The following NCOA1 variants were observed in gnomAD, a reference collection of about 807,000 sequenced individuals.
NCOA1 encodes nuclear receptor coactivator 1, also known as Hin-2 protein.
NCOA1 carries 35 observed loss-of-function variants against 150.9 expected under a neutral mutation model. The observed-to-expected ratio is 0.23, with a 90% CI of 0.18 to 0.31. The LOEUF (loss-of-function observed/expected upper bound fraction) is 0.31. NCOA1 is among the 10% of genes least tolerant of loss of function. The probability of loss-of-function intolerance (pLI) is 1.00; values close to 1 mark genes in which losing one functional copy is unlikely to be tolerated. For missense variants in NCOA1, 1,491 were observed against 1,749.3 expected, an observed-to-expected ratio of 0.85 and a Z score of 2.63; for synonymous variants, 590 against 630.0, an observed-to-expected ratio of 0.94 and a Z score of 0.95.
chr2:24,595,178 A>T (rs1667837965), intron 3 of NCOA1, among the ~76,000 whole-genome samples: 1 of 152,084 alleles, frequency 6.6e-6, no homozygotes, highest in African/African-American at 2.4e-5. Flanking sequence ...TGATAGTTGT[A>T]AAATCACCTC....
chr2:24,736,515 T>C (rs1256784417), intron 17 of NCOA1, among the ~76,000 whole-genome samples: 1 of 152,092 alleles, frequency 6.6e-6, no homozygotes, highest in East Asian at 1.9e-4. Context: ...TTATAGAGAA[T>C]AGAAGTGATC....
chr2:24,705,228 C>T lies in NCOA1; in HGVS notation c.1092C>T (p.Ile364=), dbSNP rs145449820. ...MQPFIMGIHI[I]DREHSGLSPQ... Reference sequence around the variant, plus strand: ...CTTTCATCATGGGAATTCATATCATCGACAGGTACTACTTATTTGGAGAGC... The same window carrying T: ...CTTTCATCATGGGAATTCATATCATTGACAGGTACTACTTATTTGGAGAGC... Residue 364 remains isoleucine, a synonymous_variant, in exon 12 of 23, where the codon ATC becomes ATT. Transcript: ENST00000348332. 475 of 1,613,726 alleles carry T rather than the reference C, an allele frequency of 2.9e-4. No homozygotes were observed. Among genetic ancestry groups the T allele is most frequent in the Non-Finnish European group, 3.5e-4 (410 of 1,179,680 alleles).
chr2:24,566,639 C>G (rs1267236688), intron 2 of NCOA1, among the ~76,000 whole-genome samples: 3 of 152,220 alleles, frequency 2.0e-5, no homozygotes, highest in Non-Finnish European at 4.4e-5. Context: ...TGAGGCTTCA[C>G]CAGGGACCTG....
chr2:24,611,951 A>G (rs957713538), intron 3 of NCOA1, among the ~76,000 whole-genome samples: 2 of 151,946 alleles, frequency 1.3e-5, no homozygotes, highest in African/African-American at 4.8e-5. Flanking sequence ...TTTTGATCCT[A>G]TTGTGAAGTT....
chr2:24,738,102 G>A (rs1490034688), intron 17 of NCOA1, among the ~76,000 whole-genome samples: 2 of 151,940 alleles, frequency 1.3e-5, no homozygotes, highest in African/African-American at 2.4e-5. Flanking sequence ...ATTATAATGA[G>A]CTTTTCCCCA....
chr2:24,587,262 G>A (rs1346613919), intron 3 of NCOA1, among the ~76,000 whole-genome samples: 1 of 151,956 alleles, frequency 6.6e-6, no homozygotes, highest in Non-Finnish European at 1.5e-5. Context: ...CCACCCTCAG[G>A]TCAAAGTGGT....
chr2:24,526,956 A>C (rs1664679024), intron 1 of NCOA1, among the ~76,000 whole-genome samples: 1 of 152,198 alleles, frequency 6.6e-6, no homozygotes, highest in African/African-American at 2.4e-5. Context: ...AGTAGTCTTG[A>C]GGTTATTTCA....
At chr2:24,536,577 T>A (rs1665153096) in intron 1 of NCOA1, among the ~76,000 whole-genome samples, 1 of 151,880 alleles carries the variant, frequency 6.6e-6, no homozygotes, top group Non-Finnish European at 1.5e-5. Flanking sequence ...TTTCTCCCCA[T>A]CTTTGTGGTT....
intron 1 of NCOA1, among the ~76,000 whole-genome samples, chr2:24,534,971 G>C (rs1336036200): frequency 6.6e-6 from 1 of 152,096 alleles, no homozygotes; most frequent in African/African-American, 2.4e-5. Flanking sequence ...AGTTCTGCTT[G>C]GTGCAAAGCT....
intron 1 of NCOA1, among the ~76,000 whole-genome samples, chr2:24,557,282 TATA>T (rs1235452712): frequency 6.6e-6 from 1 of 152,126 alleles, no homozygotes; most frequent in African/African-American, 2.4e-5. Flanking sequence ...TTATATGTCA[TATA>T]ATAACTTTAC....
At chr2:24,721,846 T>G (rs1674371489) in intron 14 of NCOA1, among the ~76,000 whole-genome samples, 1 of 152,258 alleles carries the variant, frequency 6.6e-6, no homozygotes, top group Non-Finnish European at 1.5e-5. Context: ...TGTTTTAGTT[T>G]AGTTGAAGTT....
At chr2:24,518,924 C>A (rs1440239150) in intron 1 of NCOA1, among the ~76,000 whole-genome samples, 1 of 152,006 alleles carries the variant, frequency 6.6e-6, no homozygotes, top group Non-Finnish European at 1.5e-5. Flanking sequence ...CTATGCAATC[C>A]CAGTCAAAAT....
chr2:24,632,646 A>G (rs928839741), intron 3 of NCOA1, among the ~76,000 whole-genome samples: 2 of 152,206 alleles, frequency 1.3e-5, no homozygotes, highest in African/African-American at 4.8e-5. Context: ...GGCAGGAAAT[A>G]GGAGGAATCT....
intron 6 of NCOA1, among the ~76,000 whole-genome samples, chr2:24,666,771 T>G (rs1671451170): frequency 2.0e-5 from 3 of 152,110 alleles, no homozygotes; most frequent in Non-Finnish European, 2.9e-5. Flanking sequence ...TAGCTGGGAT[T>G]ACAAGTGCGC....
At position 24,658,993 on chromosome 2, in the gene NCOA1, A is replaced by G. The variant is rs374235669; in HGVS notation, c.89+227A>G. ...AACACCTACTCATCCTTCAGATGCC[A>G]GCTTAGTCATTACATACTTAAAGAG... On this transcript the variant is annotated intron_variant, in intron 5 of 22. Transcript: ENST00000348332. The G allele has an allele frequency of 7.9e-4, 391 of 495,740 alleles. 7 individuals are homozygous for G. In the South Asian group the frequency reaches 9.5e-3, roughly 12 times the overall value. 30.7% of individuals were successfully genotyped at this position (495,740 alleles called of 1,614,324 possible).
intron 14 of NCOA1, among the ~76,000 whole-genome samples, chr2:24,715,556 A>G (rs1414376759): frequency 6.6e-6 from 1 of 152,238 alleles, no homozygotes; most frequent in East Asian, 1.9e-4. Flanking sequence ...AAGTCACAAT[A>G]TGTGTACTCA....
chr2:24,515,426 G>A (rs1664121968), intron 1 of NCOA1, among the ~76,000 whole-genome samples: 1 of 151,842 alleles, frequency 6.6e-6, no homozygotes, highest in African/African-American at 2.4e-5. Context: ...TTTAGAGATG[G>A]GTTCTCACTA....
chr2:24,533,690 A>G (rs537048631), intron 1 of NCOA1, among the ~76,000 whole-genome samples: 1 of 152,192 alleles, frequency 6.6e-6, no homozygotes, highest in Admixed American at 6.5e-5. Flanking sequence ...CCTTTTCTGC[A>G]TCTATTGAGA....
chr2:24,552,423 A>G (rs1327900682), intron 1 of NCOA1, among the ~76,000 whole-genome samples: 4 of 124,414 alleles, frequency 3.2e-5, no homozygotes, highest in African/African-American at 9.5e-5. Flanking sequence ...CTGGAGTGCA[A>G]TGGCATGATC....
Sources: gnomAD v4.1 joint callset for allele counts (sites outside exome capture counted in the v4.1 genomes callset) on GRCh38, gnomAD v4.1.1 for gene constraint, MANE v1.5 for transcripts, NCBI Gene and HGNC (gene_info 2026-07-23, HGNC 2026-07-21) for gene names.